The following ARHGEF18 variants were observed in gnomAD, a reference collection of about 807,000 sequenced individuals.
ARHGEF18 encodes the protein rho guanine nucleotide exchange factor 18.
A neutral mutation model predicts 155.7 loss-of-function variants in ARHGEF18; 93 were observed. That is an observed-to-expected ratio of 0.60 (90% CI 0.50 to 0.71). ARHGEF18 has a LOEUF of 0.71. Among genes scored for constraint, ARHGEF18 ranks in the 30% least tolerant of loss-of-function variants. The pLI, the probability that ARHGEF18 is intolerant of heterozygous loss-of-function variation, is 0.00. For missense variants in ARHGEF18, 1,593 were observed against 1,816.1 expected (o/e 0.88, Z 2.23); for synonymous variants, 742 against 753.1 (o/e 0.99, Z 0.24).
intron 10 of ARHGEF18, among the ~76,000 whole-genome samples, chr19:7,397,498 CGGGG>C (rs374998227): frequency 6.7e-6 from 1 of 149,170 alleles, no homozygotes; most frequent in Admixed American, 6.8e-5. Context: ...TTGGGAGGCC[CGGGG>C]GGGGGCAGAT....
chr19:7,449,174 T>C (rs1975201727), intron 15 of ARHGEF18, among the ~76,000 whole-genome samples: 1 of 151,990 alleles, frequency 6.6e-6, no homozygotes, highest in Non-Finnish European at 1.5e-5. Flanking sequence ...CTGGCATCCC[T>C]CAAATGCATA....
chr19:7,477,444 G>A, downstream of ARHGEF18: 6 of 1,423,804 alleles, frequency 4.2e-6, no homozygotes, highest in Non-Finnish European at 5.5e-6. Context: ...GGGCTGTGGG[G>A]CAGAGAGGGG....
chr19:7,400,068 G>A (rs1971953375), intron 10 of ARHGEF18, among the ~76,000 whole-genome samples: 1 of 152,000 alleles, frequency 6.6e-6, no homozygotes, highest in Admixed American at 6.6e-5. Flanking sequence ...ACCATGCACG[G>A]CTTCATACAC....
intron 10 of ARHGEF18, among the ~76,000 whole-genome samples, chr19:7,410,316 T>C (rs1972599780): frequency 6.6e-6 from 1 of 151,922 alleles, no homozygotes; most frequent in South Asian, 2.1e-4. Flanking sequence ...CCTCTGTCCG[T>C]CTTAGAGTCA....
intron 3 of ARHGEF18, among the ~76,000 whole-genome samples, chr19:7,373,477 G>T (rs7250379): frequency 0.024 from 2,297 of 95,424 alleles, 71 homozygotes; most frequent in African/African-American, 0.11. Flanking sequence ...TTTTTTTTTT[G>T]TTTTTGTTTT....
At chr19:7,406,899 A>C (rs1357906035) in intron 10 of ARHGEF18, among the ~76,000 whole-genome samples, 1 of 151,050 alleles carries the variant, frequency 6.6e-6, no homozygotes, top group African/African-American at 2.4e-5. Context: ...CTAAAAAAAA[A>C]CAAAAAAAAA....
At chr19:7,412,640 G>T (rs1310187528) in intron 10 of ARHGEF18, among the ~76,000 whole-genome samples, 1 of 151,630 alleles carries the variant, frequency 6.6e-6, no homozygotes, top group Non-Finnish European at 1.5e-5. Flanking sequence ...TACTCAGGAG[G>T]CTGAGGCAGG....
chr19:7,447,219 A>C lies in ARHGEF18; in HGVS notation c.1737+51A>C, dbSNP rs779888144. ...AAAAACTTATATTCTGGCCGGGCGC[A>C]GTGGCTCACGCCTGTAATCCCAGCA... On this transcript the variant is annotated intron_variant, in intron 15 of 28. Transcript: ENST00000668164. The C allele has an allele frequency of 5.9e-6, 9 of 1,523,250 alleles. No individual in the cohort carries two copies. In the Admixed American group the frequency reaches 8.0e-5, roughly 13 times the overall value. The allele number at this position is 1,523,250 out of a possible 1,614,324, so 94.4% of individuals were successfully genotyped here.
At chr19:7,435,996 C>T (rs1974231273) in intron 10 of ARHGEF18, among the ~76,000 whole-genome samples, 1 of 152,030 alleles carries the variant, frequency 6.6e-6, no homozygotes, top group Non-Finnish European at 1.5e-5. Context: ...AACATGCCTG[C>T]CTAATTTTTT....
intron 1 of ARHGEF18, among the ~76,000 whole-genome samples, chr19:7,352,155 T>C (rs975010524): frequency 1.1e-4 from 16 of 152,266 alleles, no homozygotes; most frequent in Non-Finnish European, 2.4e-4. Context: ...ATAATTTGTG[T>C]CTCTTTATGG....
At chr19:7,447,864 C>T (rs1975093497) in intron 15 of ARHGEF18, among the ~76,000 whole-genome samples, 1 of 151,736 alleles carries the variant, frequency 6.6e-6, no homozygotes. Context: ...CATGGTGGTG[C>T]ACACCTGTAA....
In ARHGEF18 at chr19:7,440,038, C is replaced by A. The variant is rs1974524308; in HGVS notation, c.968-306C>A. 6.4e-7 allele frequency: 1 copy of A among 1,550,592 alleles called. No individual in the cohort carries two copies. Among genetic ancestry groups the A allele is most frequent in the South Asian group, 1.2e-5 (1 of 84,010 alleles). On this transcript the variant is annotated intron_variant, in intron 10 of 28. Transcript: ENST00000668164. The surrounding 1 kb of genome is among the most constrained non-coding windows in gnomAD (Gnocchi z 5.4). ...GCTCTGTTTTCTAGAAGGATCCCAC[C>A]GAGGCATAAAAACGGCGCAGCCCAG...
At chr19:7,361,552 C>A (rs148219406) in intron 1 of ARHGEF18, among the ~76,000 whole-genome samples, 1 of 152,184 alleles carries the variant, frequency 6.6e-6, no homozygotes, top group Non-Finnish European at 1.5e-5. Flanking sequence ...CACATCCGTG[C>A]AATTGCGTAC....
chr19:7,418,518 A>G (rs10423831), intron 10 of ARHGEF18, among the ~76,000 whole-genome samples: 150,943 of 152,216 alleles, frequency 0.99, 74,863 homozygotes, highest in Middle Eastern at 1. Context: ...TCAGTGACAG[A>G]TGGCCACTCT....
At chr19:7,424,187 C>T (rs896892958) in intron 10 of ARHGEF18, among the ~76,000 whole-genome samples, 25 of 151,868 alleles carry the variant, frequency 1.6e-4, no homozygotes, top group African/African-American at 5.3e-4. Context: ...CCACCACGCC[C>T]GGCTAATTTT....
At chr19:7,381,793 C>T (rs1315429690) in intron 8 of ARHGEF18, among the ~76,000 whole-genome samples, 1 of 152,104 alleles carries the variant, frequency 6.6e-6, no homozygotes, top group Non-Finnish European at 1.5e-5. Flanking sequence ...AGTATGAGGA[C>T]CACAGACAGG....
At chr19:7,380,249 C>T (rs1179154730) in intron 7 of ARHGEF18, among the ~76,000 whole-genome samples, 10 of 151,718 alleles carry the variant, frequency 6.6e-5, no homozygotes, top group East Asian at 3.9e-4. Context: ...GAGGCCAAGG[C>T]GGGCGGATCA....
chr19:7,448,649 G>A (rs750015134), intron 15 of ARHGEF18, among the ~76,000 whole-genome samples: 38 of 150,582 alleles, frequency 2.5e-4, no homozygotes, highest in Non-Finnish European at 4.6e-4. Flanking sequence ...CAACAAGAGC[G>A]AAACTCCGTC....
At chr19:7,373,266 C>T (rs1970280913) in intron 3 of ARHGEF18, among the ~76,000 whole-genome samples, 195 bp downstream of exon 3, 1 of 152,186 alleles carries the variant, frequency 6.6e-6, no homozygotes, top group Admixed American at 6.5e-5. Context: ...ACTTTCTGGA[C>T]AATTCAAGCA....
Sources: gnomAD v4.1 joint callset for allele counts (sites outside exome capture counted in the v4.1 genomes callset) on GRCh38, gnomAD v4.1.1 for gene constraint, Gnocchi (gnomAD v3.1) non-coding constraint, MANE v1.5 for transcripts, NCBI Gene and HGNC (gene_info 2026-07-23, HGNC 2026-07-21) for gene names.